The following SMG7 variants were observed in gnomAD, a reference collection of about 807,000 sequenced individuals.
SMG7 encodes the protein nonsense-mediated mRNA decay factor SMG7.
Under a neutral mutation model 148.2 loss-of-function variants are expected in SMG7, and 34 were observed. The ratio of observed to expected loss-of-function variants is 0.23; its 90% CI spans 0.17 to 0.31. SMG7 has a LOEUF of 0.31. SMG7 is among the 10% of genes least tolerant of loss of function. The pLI is 1.00. For synonymous variants in SMG7, 492 were observed against 515.1 expected (o/e 0.96, Z 0.61); for missense variants, 1,114 against 1,408.4 (o/e 0.79, Z 3.35).
intron 1 of SMG7, among the ~76,000 whole-genome samples, chr1:183,508,653 A>G (rs1661493691): frequency 6.6e-6 from 1 of 152,132 alleles, no homozygotes; most frequent in Non-Finnish European, 1.5e-5. Context: ...GAAGATAGAG[A>G]TTCCTTTTCT....
At position 183,525,285 on chromosome 1, in the gene SMG7, G is replaced by T. The variant is rs61255111; in HGVS notation, c.313-1311G>T. Among the ~76,000 whole-genome samples, 510 of 152,276 alleles carry T rather than the reference G, an allele frequency of 3.3e-3. 10 individuals are homozygous for T. The East Asian group carries it at 0.035, about 10-fold the overall frequency. On this transcript the variant is annotated intron_variant, in intron 4 of 22. Coordinates refer to ENST00000688051, the MANE Select transcript of SMG7 (RefSeq NM_001375584.1). ...GATCAGATGTTTTAAGTGCAGCAAA[G>T]AGGTCCAATAAGATGATGTCTGAAA...
intron 4 of SMG7, among the ~76,000 whole-genome samples, chr1:183,522,750 AT>A (rs1483826030): frequency 3.3e-5 from 5 of 151,426 alleles, no homozygotes; most frequent in Non-Finnish European, 7.4e-5. Flanking sequence ...CCACAGTAAC[AT>A]TTTCTGTGAA....
chr1:183,475,948 T>C (rs1652068906), intron 1 of SMG7, among the ~76,000 whole-genome samples: 1 of 152,310 alleles, frequency 6.6e-6, no homozygotes, highest in African/African-American at 2.4e-5. Context: ...GCATAGGTCC[T>C]GGGGTCCCTT....
rs1392902683 is a variant in SMG7, at chr1:183,538,248, AAAG to A, written c.1235-127_1235-125del. On this transcript the variant is annotated intron_variant, in intron 11 of 22. Coordinates refer to ENST00000688051, the MANE Select transcript of SMG7 (RefSeq NM_001375584.1). ...GAGTTATTTTCATCAGGATCATGAT[AAAG>A]AAGAGCAGAGAACAATAAGCATTAT... 57 of 644,864 alleles carry A rather than the reference AAAG, an allele frequency of 8.8e-5. No individual in the cohort carries two copies. In the East Asian group the frequency reaches 1.6e-3, roughly 18 times the overall value. The allele number at this position is 644,864 out of a possible 1,614,324, so 39.9% of individuals were successfully genotyped here.
intron 1 of SMG7, among the ~76,000 whole-genome samples, chr1:183,474,661 G>A (rs931827707): frequency 5.3e-5 from 8 of 152,234 alleles, no homozygotes; most frequent in African/African-American, 1.7e-4. Context: ...AATCAGGAAA[G>A]ACTTTGTTTA....
chr1:183,497,783 C>G (rs1375067351), intron 1 of SMG7, among the ~76,000 whole-genome samples: 1 of 152,076 alleles, frequency 6.6e-6, no homozygotes, highest in Non-Finnish European at 1.5e-5. Flanking sequence ...CTTGGCCAGG[C>G]TGGTCTAGAA....
At chr1:183,523,077 A>C (rs1262397400) in intron 4 of SMG7, among the ~76,000 whole-genome samples, 1 of 152,220 alleles carries the variant, frequency 6.6e-6, no homozygotes, top group Admixed American at 6.5e-5. Context: ...AAGACATACC[A>C]TTCTGCTGTA....
intron 10 of SMG7, among the ~76,000 whole-genome samples, chr1:183,534,100 A>C (rs1667320561): frequency 1.3e-5 from 2 of 152,206 alleles, no homozygotes; most frequent in South Asian, 4.1e-4. Context: ...CATTTTTCAC[A>C]TTTCAAAGTG....
At position 183,508,486 on chromosome 1, in the gene SMG7, C is replaced by T. The variant is rs182735591; in HGVS notation, c.30-4351C>T. The stretch of plus-strand genomic sequence containing the variant: ...TGATTACAGGTGTGAGCCACCATGC[C>T]TGGCCTATTTTTTTCTTTATAAAGT... On this transcript the variant is annotated intron_variant, in intron 1 of 22. Transcript: ENST00000688051. Among the ~76,000 whole-genome samples, 26 of 152,298 alleles carry T rather than the reference C, an allele frequency of 1.7e-4. No individual in the cohort carries two copies. The East Asian group carries it at 4.2e-3, about 25-fold the overall frequency.
intron 1 of SMG7, among the ~76,000 whole-genome samples, chr1:183,497,657 C>T (rs1274826763): frequency 6.6e-6 from 1 of 152,112 alleles, no homozygotes; most frequent in African/African-American, 2.4e-5. Context: ...GCAACCTCTG[C>T]CTCCCCGGTT....
At chr1:183,546,433 T>C in intron 17 of SMG7, 96 bp downstream of exon 17, 1 of 1,332,416 alleles carries the variant, frequency 7.5e-7, no homozygotes, top group South Asian at 1.4e-5. Flanking sequence ...AAGGCCACTC[T>C]TATTCGTTAG....
chr1:183,490,479 G>T (rs562701570), intron 1 of SMG7, among the ~76,000 whole-genome samples: 1 of 152,192 alleles, frequency 6.6e-6, no homozygotes, highest in South Asian at 2.1e-4. Context: ...GCTTATAGGA[G>T]ACTGATATTT....
At chr1:183,537,782 C>T (rs1284675058) in intron 11 of SMG7, among the ~76,000 whole-genome samples, 1 of 152,110 alleles carries the variant, frequency 6.6e-6, no homozygotes, top group Non-Finnish European at 1.5e-5. Flanking sequence ...CATAATATTC[C>T]ATCCTATGGA....
intron 12 of SMG7, among the ~76,000 whole-genome samples, chr1:183,538,778 T>C (rs115361446): frequency 1.3e-3 from 201 of 152,268 alleles, no homozygotes; most frequent in African/African-American, 4.6e-3. Context: ...TAATTATCTT[T>C]AGCCTAGTAA....
chr1:183,542,414 A>G lies in SMG7; in HGVS notation c.1754A>G (p.Lys585Arg). Residue 585 changes from lysine (K) to arginine (R), a missense_variant, in exon 14 of 23, where the codon AAG becomes AGG. Transcript: ENST00000688051. ...KGITVTKNDG[K>R]KDNNKRKTET... ...ATAACTGTAACTAAGAATGATGGAA[A>G]GAAGGACAACAACAAGAGGAAAACT... is the stretch of plus-strand genomic sequence containing the variant. The G allele has an allele frequency of 1.2e-6, 2 of 1,614,086 alleles. No individual in the cohort carries two copies. The highest frequency in any genetic ancestry group is 2.2e-5 in the South Asian group (2 of 91,078).
chr1:183,534,521 A>G (rs998382109), intron 10 of SMG7, among the ~76,000 whole-genome samples: 5 of 152,196 alleles, frequency 3.3e-5, no homozygotes, highest in African/African-American at 1.2e-4. Flanking sequence ...CAGCATGTAT[A>G]TTGACCAAGG....
intron 11 of SMG7, 144 bp from the exon 12 acceptor site, chr1:183,538,236 C>G: frequency 1.6e-6 from 1 of 616,168 alleles, no homozygotes; most frequent in Non-Finnish European, 2.9e-6. Context: ...TTATTTTCAT[C>G]AGGATCATGA....
Position 183,546,117 on chromosome 1 carries a change from A to G in SMG7, c.2522A>G (p.Gln841Arg). ...CCGTCATTGCAACCTCCTGTAATGC[A>G]GCAGCAGCCTCTAGAAAAAAAAATG... ...FEPSLQPPVM[Q>R]QQPLEKKMKP... The change falls in exon 17 of 23, where the codon CAG becomes CGG. Residue 841 changes from glutamine (Q) to arginine (R), a missense_variant. Physicochemically the swap from Gln to Arg is conservative, Grantham distance 43. Around this residue, in one of 4 missense-constraint regions of SMG7, gnomAD observed 788 missense variants for 894.5 expected, o/e 0.88. Transcript: ENST00000688051. The G allele has an allele frequency of 6.2e-7, 1 of 1,613,864 alleles. No homozygotes were observed. Among genetic ancestry groups the G allele is most frequent in the Non-Finnish European group, 8.5e-7 (1 of 1,179,920 alleles).
At chr1:183,546,988 A>G (rs780698246) in intron 17 of SMG7, 115 bp from the exon 18 acceptor site, 4 of 997,818 alleles carry the variant, frequency 4.0e-6, no homozygotes, top group East Asian at 2.7e-5. Flanking sequence ...GCCTAATACC[A>G]TCTATCTCAC....
Sources: allele counts gnomAD v4.1 joint callset (sites outside exome capture counted in the v4.1 genomes callset), GRCh38; gene constraint gnomAD v4.1.1; regional missense constraint gnomAD v4.1.1; transcripts MANE v1.5; gene names NCBI Gene and HGNC (gene_info 2026-07-23, HGNC 2026-07-21).